The following GFRA4 variants were observed in gnomAD, a reference collection of about 807,000 sequenced individuals.
GFRA4 encodes the protein GDNF family receptor alpha 4, also known as GDNF family receptor alpha-4.
In GFRA4, 31 loss-of-function variants were observed where a neutral mutation model predicts 28.5. That is an observed-to-expected ratio of 1.09 (90% confidence interval 0.82 to 1.47). The LOEUF (loss-of-function observed/expected upper bound fraction) is 1.47, where lower values mean the gene tolerates loss of function less well. GFRA4 is among the 40% of genes most tolerant of loss of function. GFRA4 has a pLI of 0.00. For missense variants in GFRA4, 389 were observed against 413.2 expected (o/e 0.94, Z 0.51); for synonymous variants, 188 against 188.0 (o/e 1.00, Z 0.00).
rs2087222886 is a variant in GFRA4 at position 3,661,294 on chromosome 20, G to A, written c.47-5C>T. On this transcript the variant is annotated splice_polypyrimidine_tract_variant and splice_region_variant and intron_variant, in intron 1 of 5. Coordinates refer to ENST00000290417, the MANE Select transcript of GFRA4 (RefSeq NM_022139.4). ...CTCCGACCGAGCTCGCCGACCCTGG[G>A]AAAGGCGCGGGGAGGCTGCAGGTCT... is the stretch of plus-strand genomic sequence containing the variant. The A allele has an allele frequency of 6.9e-6, 10 of 1,458,352 alleles. 1 individual carries two copies. The highest frequency in any genetic ancestry group is 1.8e-4 in the Middle Eastern group (1 of 5,698). The allele number at this position is 1,458,352 out of a possible 1,614,324, so 90.3% of individuals were successfully genotyped here.
Position 3,661,087 on chromosome 20 carries a change from C to T in GFRA4, c.249G>A (p.Leu83=), listed in dbSNP as rs780158523. The T allele has an allele frequency of 4.9e-6, 7 of 1,422,362 alleles. No homozygotes were observed. The South Asian group carries it at 5.6e-5, about 11-fold the overall frequency. 88.1% of individuals were successfully genotyped at this position (1,422,362 alleles called of 1,614,324 possible). ...ARGPPALTHA[L]LFCPCAGPAC... ...CGGGGCCCGCGCACGGGCAGAAGAG[C>T]AGTGCGTGGGTGAGCGCGGGCGGCC... is the stretch of plus-strand genomic sequence containing the variant. The change falls in exon 2 of 6, where the codon CTG becomes CTA. Residue 83 remains leucine (L), a synonymous_variant. Coordinates refer to ENST00000290417, the MANE Select transcript of GFRA4 (RefSeq NM_022139.4).
chr20:3,661,205 G>A lies in GFRA4; in HGVS notation c.131C>T (p.Ser44Phe). The A allele has an allele frequency of 6.7e-7, 1 of 1,497,454 alleles. No individual in the cohort carries two copies. Among genetic ancestry groups the A allele is most frequent in the Non-Finnish European group, 8.8e-7 (1 of 1,129,948 alleles). The allele number at this position is 1,497,454 out of a possible 1,614,324, so 92.8% of individuals were successfully genotyped here. ...TADARCQRLR[S>F]EYVAQCLGRA... is the part of the protein sequence containing the mutation. ...GCCCAGGCACTGCGCCACATACTCG[G>A]AGCGCAAACGCTGGCACCGCGCGTC... Residue 44 changes from serine (S) to phenylalanine (F), a missense_variant, in exon 2 of 6, where the codon TCC becomes TTC. Transcript: ENST00000290417.
chr20:3,663,316 C>T (rs2087242446), intron 1 of GFRA4, 38 bp downstream of exon 1: 2 of 1,599,950 alleles, frequency 1.3e-6, no homozygotes, highest in African/African-American at 2.7e-5. Flanking sequence ...GACAGAGAGG[C>T]CAGGGTTCGG....
rs1426069317 is a variant in GFRA4 at position 3,659,896 on chromosome 20, G to T, written c.*13C>A. 6.3e-7 allele frequency: 1 copy of T among 1,584,592 alleles called. No homozygotes were observed. Among genetic ancestry groups the T allele is most frequent in the East Asian group, 2.3e-5 (1 of 43,860 alleles). On this transcript the variant is annotated 3_prime_UTR_variant, in exon 6 of 6. Transcript: ENST00000290417. ...GGAGTAGCTGGCTGTGCTATCCGAG[G>T]TCGCTGTCCTAATCAGAGCAGGGCC... is the stretch of plus-strand genomic sequence containing the variant.
At position 3,660,840 on chromosome 20, in the gene GFRA4, G is replaced by T; in HGVS notation, c.417C>A (p.Val139=). ...VCRPRLLAFQ[V]SCTPAPSAPD... Reference sequence around the variant, plus strand: ...GGGCGCTGGGCGCTGGGGTGCACGAGACCTGAAAGGCCAGGAGGCGAGGCC... The same window carrying T: ...GGGCGCTGGGCGCTGGGGTGCACGATACCTGAAAGGCCAGGAGGCGAGGCC... The change falls in exon 3 of 6, where the codon GTC becomes GTA. Residue 139 remains valine (V), a synonymous_variant. Transcript: ENST00000290417. The T allele has an allele frequency of 2.1e-6, 3 of 1,428,124 alleles. No homozygotes were observed. Among genetic ancestry groups the T allele is most frequent in the Non-Finnish European group, 2.7e-6 (3 of 1,102,762 alleles). The allele number at this position is 1,428,124 out of a possible 1,614,324, so 88.5% of individuals were successfully genotyped here. A position where few individuals can be genotyped will look rare whatever the true frequency, so the allele number is the denominator to read the frequency against.
At chr20:3,662,936 C>A (rs2087238021) in intron 1 of GFRA4, among the ~76,000 whole-genome samples, 1 of 152,190 alleles carries the variant, frequency 6.6e-6, no homozygotes, top group Non-Finnish European at 1.5e-5. Flanking sequence ...GGTAAAGTGA[C>A]CCCTCCCTCC....
In GFRA4 at chr20:3,659,738, C is replaced by T. The variant is rs2087195582; in HGVS notation, c.*171G>A. On this transcript the variant is annotated 3_prime_UTR_variant, in exon 6 of 6. Transcript: ENST00000290417. ...CAGGCCCCAGCCTACATCCCTTGCC[C>T]CAGGGGACGGCACACAGGGTGTCCA... 1 of 635,554 alleles carries T rather than the reference C, an allele frequency of 1.6e-6. No individual in the cohort carries two copies. Among genetic ancestry groups the T allele is most frequent in the Non-Finnish European group, 2.7e-6 (1 of 366,914 alleles). 39.4% of individuals were successfully genotyped at this position (635,554 alleles called of 1,614,324 possible).
rs545344340 is a variant in GFRA4 at position 3,662,605 on chromosome 20, G to A, written c.46+749C>T. Among the ~76,000 whole-genome samples, 9 of 152,344 alleles carry A rather than the reference G, an allele frequency of 5.9e-5. No individual in the cohort carries two copies. The South Asian group carries it at 1.4e-3, about 25-fold the overall frequency. On this transcript the variant is annotated intron_variant, in intron 1 of 5. Coordinates refer to ENST00000290417, the MANE Select transcript of GFRA4 (RefSeq NM_022139.4). ...CTTCAGCACCTGCCTCTGCAGGAAG[G>A]ATGAACATAGCTCGAGGGCTTAGAA...
chr20:3,661,226 GC>G lies in GFRA4; in HGVS notation c.109del (p.Ala37ArgfsTer85). The G allele has an allele frequency of 6.7e-7, 1 of 1,501,594 alleles. No homozygotes were observed. The allele number at this position is 1,501,594 out of a possible 1,614,324, so 93.0% of individuals were successfully genotyped here. ...VDAAEACTAD[A>X]RCQRLRSEYV... ...CTCGGAGCGCAAACGCTGGCACCGC[GC>G]GTCCGCCGTGCAGGCTTCGGCCGCG... On this transcript the variant is annotated frameshift_variant, in exon 2 of 6. Transcript: ENST00000290417. LOFTEE classifies it high-confidence loss of function.
Position 3,660,758 on chromosome 20 carries a change from C to T in GFRA4, c.499G>A (p.Val167Met). ...CCCGGATCCCGGCCGCGCGTACCCA[C>T]GAGGCCCGCGTAGGCGCGCAGGCAG... ...ARCLRAYAGL[V>M]GTAVTPNYVD... Residue 167 changes from valine (V) to methionine (M), a missense_variant, in exon 3 of 6, where the codon GTG (valine) becomes ATG (methionine). Physicochemically the swap from Val to Met is conservative, Grantham distance 21. Coordinates refer to ENST00000290417, the MANE Select transcript of GFRA4 (RefSeq NM_022139.4). 7.0e-7 allele frequency: 1 copy of T among 1,423,196 alleles called. No individual in the cohort carries two copies. Among genetic ancestry groups the T allele is most frequent in the Non-Finnish European group, 9.1e-7 (1 of 1,096,950 alleles). The allele number at this position is 1,423,196 out of a possible 1,614,324, so 88.2% of individuals were successfully genotyped here.
Position 3,660,167 on chromosome 20 carries a change from G to A in GFRA4, c.720C>T (p.Ser240=), listed in dbSNP as rs1245373141. The A allele has an allele frequency of 1.3e-6, 2 of 1,591,630 alleles. No individual in the cohort carries two copies. The highest frequency in any genetic ancestry group is 1.7e-6 in the Non-Finnish European group (2 of 1,169,456). The stretch of plus-strand genomic sequence containing the variant: ...CCCTCCCTGCACCTACCTGCAGGAG[G>A]CTGTGCTCCGGGTCTCCCTGGGGGT... ...QLNPQGDPEH[S]LLQVSSTGRA... is the part of the protein sequence containing the mutation. The change falls in exon 5 of 6, where the codon AGC becomes AGT. Residue 240 remains serine, a synonymous_variant. Coordinates refer to ENST00000290417, the MANE Select transcript of GFRA4 (RefSeq NM_022139.4).
At chr20:3,660,685 C>A (rs1359406994) in intron 3 of GFRA4, 25 bp from the exon 4 acceptor site, 1 of 1,535,230 alleles carries the variant, frequency 6.5e-7, no homozygotes. Context: ...AGGGCGAAGT[C>A]ATCGGCCCAC....
chr20:3,660,348 C>T (rs1295735623), intron 4 of GFRA4, 99 bp from the exon 5 acceptor site: 1 of 1,135,188 alleles, frequency 8.8e-7, no homozygotes. Context: ...CAAAGACTGG[C>T]TCCTTGGACA....
At position 3,661,247 on chromosome 20, in the gene GFRA4, G is replaced by GC; in HGVS notation, c.88dup (p.Ala30GlyfsTer90). On this transcript the variant is annotated frameshift_variant, in exon 2 of 6. Transcript: ENST00000290417. LOFTEE classifies it high-confidence loss of function. Reference sequence around the variant, plus strand: ...CCGCGCGTCCGCCGTGCAGGCTTCGGCCGCGTCCACACATCGGTTCCCTCC... The same window carrying GC: ...CCGCGCGTCCGCCGTGCAGGCTTCGGCCCGCGTCCACACATCGGTTCCCTCC... The GC allele has an allele frequency of 6.7e-7, 1 of 1,499,936 alleles. No individual in the cohort carries two copies. Among genetic ancestry groups the GC allele is most frequent in the Non-Finnish European group, 8.8e-7 (1 of 1,130,720 alleles). The allele number at this position is 1,499,936 out of a possible 1,614,324, so 92.9% of individuals were successfully genotyped here.
rs1000097171 is a variant in GFRA4, at chr20:3,661,223, C to T, written c.113G>A (p.Arg38Gln). ...DAAEACTADARCQRLRSEYVA... is the reference protein window; with the variant it reads ...DAAEACTADAQCQRLRSEYVA... The stretch of plus-strand genomic sequence containing the variant: ...ATACTCGGAGCGCAAACGCTGGCAC[C>T]GCGCGTCCGCCGTGCAGGCTTCGGC... Residue 38 changes from arginine to glutamine, a missense_variant, in exon 2 of 6, where the codon CGG (arginine) becomes CAG (glutamine). Coordinates refer to ENST00000290417, the MANE Select transcript of GFRA4 (RefSeq NM_022139.4). The T allele has an allele frequency of 5.7e-5, 85 of 1,502,424 alleles. No homozygotes were observed. The highest frequency in any genetic ancestry group is 7.5e-5 in the Non-Finnish European group (85 of 1,131,952). 93.1% of individuals were successfully genotyped at this position (1,502,424 alleles called of 1,614,324 possible). A position where few individuals can be genotyped will look rare whatever the true frequency, so the allele number is the denominator to read the frequency against.
Position 3,660,775 on chromosome 20 carries a change from C to G in GFRA4, c.482G>C (p.Arg161Pro). ...CGTACCCACGAGGCCCGCGTAGGCG[C>G]GCAGGCAGCGGGCGCCCTGGTCCAG... Reference protein sequence around the residue: ...CLLDQGARCLRAYAGLVGTAV... With the variant: ...CLLDQGARCLPAYAGLVGTAV... The change falls in exon 3 of 6, where the codon CGC (arginine) becomes CCC (proline). Residue 161 changes from arginine (R) to proline (P), a missense_variant. Physicochemically the swap from Arg to Pro is moderately radical, Grantham distance 103. Coordinates refer to ENST00000290417, the MANE Select transcript of GFRA4 (RefSeq NM_022139.4). 1 of 1,413,104 alleles carries G rather than the reference C, an allele frequency of 7.1e-7. No individual in the cohort carries two copies. Among genetic ancestry groups the G allele is most frequent in the Non-Finnish European group, 9.1e-7 (1 of 1,093,500 alleles). 87.5% of individuals were successfully genotyped at this position (1,413,104 alleles called of 1,614,324 possible).
At position 3,660,818 on chromosome 20, in the gene GFRA4, C is replaced by T. The variant is rs1326219407; in HGVS notation, c.439G>A (p.Ala147Thr). The change falls in exon 3 of 6, where the codon GCC becomes ACC. Residue 147 changes from alanine to threonine, a missense_variant. By Grantham distance (58) the Ala-to-Thr change is moderately conservative (BLOSUM62 0). Transcript: ENST00000290417. The part of the protein sequence containing the change: ...FQVSCTPAPS[A>T]PDGCLLDQGA... ...TGGTCCAGCAGGCAGCCGTCGGGGG[C>T]GCTGGGCGCTGGGGTGCACGAGACC... The T allele has an allele frequency of 1.4e-6, 2 of 1,415,824 alleles. No individual in the cohort carries two copies. Among genetic ancestry groups the T allele is most frequent in the African/African-American group, 1.5e-5 (1 of 66,354 alleles). The allele number at this position is 1,415,824 out of a possible 1,614,324, so 87.7% of individuals were successfully genotyped here.
At chr20:3,660,732 G>C in intron 3 of GFRA4, 23 bp downstream of exon 3, 1 of 1,444,550 alleles carries the variant, frequency 6.9e-7, no homozygotes, top group Non-Finnish European at 9.1e-7. Flanking sequence ...CCCCGCCCTC[G>C]CCCGGATCCC....
rs574392801 is a variant in GFRA4, at chr20:3,660,123, G to A, written c.729+35C>T. The A allele has an allele frequency of 1.1e-4, 176 of 1,542,936 alleles. No homozygotes were observed. The South Asian group carries it at 1.9e-3, about 17-fold the overall frequency. ...GAAGGGTGTGAAGGTGACAGTGGGG[G>A]AGGTGCCAGCTCACCCTCCCCTCCC... is the stretch of plus-strand genomic sequence containing the variant. On this transcript the variant is annotated intron_variant, in intron 5 of 5. Transcript: ENST00000290417.
Sources: gnomAD v4.1 joint callset for allele counts (sites outside exome capture counted in the v4.1 genomes callset) on GRCh38, gnomAD v4.1.1 for gene constraint, MANE v1.5 for transcripts, NCBI Gene and HGNC (gene_info 2026-07-23, HGNC 2026-07-21) for gene names.